ANXA10: variants seen among roughly 807,000 people sequenced by gnomAD.
ANXA10 encodes the protein annexin A10.
ANXA10 carries 49 observed loss-of-function variants against 53.5 expected under a neutral mutation model. The ratio of observed to expected loss-of-function variants is 0.92; its 90% CI spans 0.73 to 1.16. The LOEUF is 1.16. Among genes scored for constraint, ANXA10 ranks in the 50% most tolerant of loss-of-function variants. The probability of loss-of-function intolerance (pLI) is 0.00; values close to 1 mark genes in which losing one functional copy is unlikely to be tolerated. For synonymous variants in ANXA10, 131 were observed against 128.9 expected (o/e 1.02, Z -0.11); for missense variants, 393 against 394.4 (o/e 1.00, Z 0.03).
At chr4:168,117,262 A>G (rs1321935054) in intron 1 of ANXA10, among the ~76,000 whole-genome samples, 1 of 152,164 alleles carries the variant, frequency 6.6e-6, no homozygotes, top group East Asian at 1.9e-4. Context: ...AAGAAGAAGA[A>G]GAGGTATTCA....
At chr4:168,155,831 TATATCATATATAATATAATATATC>T (rs1731630825) in intron 3 of ANXA10, among the ~76,000 whole-genome samples, 3 of 8,126 alleles carry the variant, frequency 3.7e-4, no homozygotes, top group South Asian at 4.7e-3. Flanking sequence ...TGATATATGA[TATATCATATATAATATAATATATC>T]ATATATGATA....
intron 2 of ANXA10, among the ~76,000 whole-genome samples, chr4:168,130,719 T>A (rs1183303218): frequency 2.0e-5 from 3 of 152,038 alleles, no homozygotes; most frequent in African/African-American, 7.2e-5. Context: ...ATCCATTTCA[T>A]CTAGACTATC....
chr4:168,107,221 T>C (rs1330301001), intron 1 of ANXA10, among the ~76,000 whole-genome samples: 3 of 152,142 alleles, frequency 2.0e-5, no homozygotes, highest in Non-Finnish European at 4.4e-5. Context: ...TCTTTGAGGA[T>C]AAAATAGATT....
intron 3 of ANXA10, among the ~76,000 whole-genome samples, chr4:168,145,528 CAGTT>C (rs979340320): frequency 6.6e-6 from 1 of 152,158 alleles, no homozygotes; most frequent in African/African-American, 2.4e-5. Flanking sequence ...AAGATGGAGT[CAGTT>C]AGCCAGCTCT....
chr4:168,132,568 C>T (rs1052176796), intron 2 of ANXA10, among the ~76,000 whole-genome samples: 3 of 151,946 alleles, frequency 2.0e-5, no homozygotes, highest in Non-Finnish European at 2.9e-5. Flanking sequence ...TATTTGATAG[C>T]ACAACAGGGT....
chr4:168,142,905 C>T (rs1370315807), intron 3 of ANXA10, among the ~76,000 whole-genome samples: 1 of 152,120 alleles, frequency 6.6e-6, no homozygotes, highest in Non-Finnish European at 1.5e-5. Context: ...TTGCCAATAA[C>T]ACTGTAATCT....
chr4:168,187,154 C>G (rs1732386021), intron 11 of ANXA10, among the ~76,000 whole-genome samples: 1 of 152,126 alleles, frequency 6.6e-6, no homozygotes, highest in African/African-American at 2.4e-5. Flanking sequence ...ATGTAAACCA[C>G]ATACTACTGA....
intron 3 of ANXA10, among the ~76,000 whole-genome samples, chr4:168,156,180 ATATTAT>A (rs1731662943): frequency 4.0e-5 from 1 of 24,850 alleles, no homozygotes; most frequent in South Asian, 9.6e-4. Flanking sequence ...ATTATATTAT[ATATTAT>A]ATATTATATA....
chr4:168,170,720 G>A (rs2149478844), intron 6 of ANXA10, among the ~76,000 whole-genome samples: 1 of 152,094 alleles, frequency 6.6e-6, no homozygotes, highest in Admixed American at 6.5e-5. Context: ...TTTATAAGAA[G>A]CCAAGGAAAA....
chr4:168,159,751 T>G (rs190571067), intron 3 of ANXA10, among the ~76,000 whole-genome samples: 2 of 152,310 alleles, frequency 1.3e-5, no homozygotes, highest in East Asian at 3.9e-4. Context: ...CCAATATTGG[T>G]ATTTTGTATT....
At chr4:168,156,011 T>C (rs1430332524) in intron 3 of ANXA10, among the ~76,000 whole-genome samples, 7 of 45,056 alleles carry the variant, frequency 1.6e-4, no homozygotes. Context: ...ATATTATATG[T>C]TATATATAAT....
At chr4:168,180,910 A>C (rs1274902315) in intron 9 of ANXA10, among the ~76,000 whole-genome samples, 2 of 152,136 alleles carry the variant, frequency 1.3e-5, no homozygotes, top group African/African-American at 2.4e-5. Context: ...TTATTAGATA[A>C]CTTCTAGAAC....
At chr4:168,128,661 C>G (rs1380093189) in intron 2 of ANXA10, among the ~76,000 whole-genome samples, 2 of 152,070 alleles carry the variant, frequency 1.3e-5, no homozygotes, top group Non-Finnish European at 2.9e-5. Flanking sequence ...CATCTAAATT[C>G]TCTTCTTCAA....
chr4:168,105,234 C>G (rs1430624589), intron 1 of ANXA10, among the ~76,000 whole-genome samples: 7 of 151,860 alleles, frequency 4.6e-5, no homozygotes, highest in African/African-American at 1.4e-4. Flanking sequence ...CCTATTACCC[C>G]TGAGTTATTT....
chr4:168,153,475 TAAC>T (rs1731540746), intron 3 of ANXA10, among the ~76,000 whole-genome samples: 1 of 50,132 alleles, frequency 2.0e-5, no homozygotes, highest in Non-Finnish European at 4.5e-5. Flanking sequence ...AAAAAACCAA[TAAC>T]AACAACAAAA....
At chr4:168,118,328 G>A (rs1241673827) in intron 1 of ANXA10, among the ~76,000 whole-genome samples, 1 of 152,170 alleles carries the variant, frequency 6.6e-6, no homozygotes, top group Non-Finnish European at 1.5e-5. Context: ...TGAATATTGT[G>A]TAATGATCAG....
intron 3 of ANXA10, among the ~76,000 whole-genome samples, chr4:168,155,523 A>C (rs1409125864): frequency 4.0e-5 from 1 of 25,142 alleles, no homozygotes; most frequent in Non-Finnish European, 7.1e-5. Context: ...ATATATAATT[A>C]TATAATATAT....
chr4:168,102,525 CT>C (rs1190504159), intron 1 of ANXA10, among the ~76,000 whole-genome samples: 1 of 152,068 alleles, frequency 6.6e-6, no homozygotes, highest in Non-Finnish European at 1.5e-5. Flanking sequence ...ACATGGCTTC[CT>C]CCGCTTAGTA....
At chr4:168,099,778 A>G (rs936084041) in intron 1 of ANXA10, among the ~76,000 whole-genome samples, 2 of 152,070 alleles carry the variant, frequency 1.3e-5, no homozygotes. Context: ...TATATGATCC[A>G]TATGTCTCTG....
Sources: gnomAD v4.1 joint callset for allele counts (sites outside exome capture counted in the v4.1 genomes callset) on GRCh38, gnomAD v4.1.1 for gene constraint, MANE v1.5 for transcripts, NCBI Gene and HGNC (gene_info 2026-07-23, HGNC 2026-07-21) for gene names.